TNS3: variants seen among roughly 807,000 people sequenced by gnomAD.
The protein encoded by TNS3 is tensin-3.
A neutral mutation model predicts 140.9 loss-of-function variants in TNS3; 45 were observed. That is an observed-to-expected ratio of 0.32 (90% CI 0.25 to 0.41). The LOEUF (loss-of-function observed/expected upper bound fraction) is 0.41. Among genes scored for constraint, TNS3 ranks in the 10% least tolerant of loss-of-function variants. The pLI is 1.00. For synonymous variants in TNS3, 815 were observed against 788.4 expected (o/e 1.03, Z -0.56); for missense variants, 1,716 against 1,906.7 (o/e 0.90, Z 1.86).
At chr7:47,543,029 G>T (rs1376427217) in intron 1 of TNS3, among the ~76,000 whole-genome samples, 2 of 151,998 alleles carry the variant, frequency 1.3e-5, no homozygotes, top group Admixed American at 1.3e-4. Context: ...CTCATCTGCA[G>T]AAATTGAGCC....
intron 9 of TNS3, 90 bp from the exon 10 acceptor site, chr7:47,424,274 AAGCGACC>A: frequency 7.7e-7 from 1 of 1,293,372 alleles, no homozygotes; most frequent in Non-Finnish European, 1.1e-6. Flanking sequence ...TGGCTGTTCA[AAGCGACC>A]AGCTCCCACA....
chr7:47,550,438 G>A (rs935956512), intron 1 of TNS3, among the ~76,000 whole-genome samples: 5 of 152,220 alleles, frequency 3.3e-5, no homozygotes, highest in Admixed American at 2.6e-4. Context: ...ACCTTGGCTT[G>A]CTGTCCCTCT....
intron 4 of TNS3, among the ~76,000 whole-genome samples, chr7:47,448,441 G>A (rs1795855720): frequency 1.3e-5 from 2 of 150,892 alleles, no homozygotes; most frequent in South Asian, 2.1e-4. Flanking sequence ...AGACAAGCTT[G>A]TAATCAATGA....
chr7:47,535,561 C>A (rs529311162), intron 1 of TNS3, among the ~76,000 whole-genome samples: 19 of 152,354 alleles, frequency 1.2e-4, no homozygotes, highest in African/African-American at 4.6e-4. Flanking sequence ...GGCAGCAATG[C>A]TGAAGCATTT....
chr7:47,530,825 A>AG, intron 1 of TNS3, among the ~76,000 whole-genome samples: 1 of 96,606 alleles, frequency 1.0e-5, no homozygotes, highest in Admixed American at 1.1e-4. Flanking sequence ...CTCCATCTCA[A>AG]AAAAAAAAAA....
At position 47,450,110 on chromosome 7, in the gene TNS3, G is replaced by A. The variant is rs187091362; in HGVS notation, c.-75-8055C>T. Among the ~76,000 whole-genome samples, 13 of 152,276 alleles carry A rather than the reference G, an allele frequency of 8.5e-5. No individual in the cohort carries two copies. The East Asian group carries it at 1.2e-3, about 14-fold the overall frequency. The stretch of plus-strand genomic sequence containing the variant: ...CTGTAGAATGAAGAAAGGAAGAAAC[G>A]AACCACTAATCCCAAAGTGGCTGTG... On this transcript the variant is annotated intron_variant, in intron 4 of 30. Transcript: ENST00000311160.
chr7:47,491,801 C>CT (rs1273901480), intron 3 of TNS3, among the ~76,000 whole-genome samples: 4 of 152,150 alleles, frequency 2.6e-5, no homozygotes, highest in African/African-American at 9.7e-5. Context: ...GACCATAGGC[C>CT]TGAGTGGGAC....
chr7:47,297,503 G>A (rs939334864), intron 23 of TNS3, among the ~76,000 whole-genome samples: 1 of 152,276 alleles, frequency 6.6e-6, no homozygotes, highest in Non-Finnish European at 1.5e-5. Context: ...GCCGGGCACT[G>A]TCCTGTGGGC....
chr7:47,578,598 CG>C (rs757529796), intron 1 of TNS3, among the ~76,000 whole-genome samples: 35 of 152,144 alleles, frequency 2.3e-4, no homozygotes, highest in Middle Eastern at 3.4e-3. Flanking sequence ...TAGAGGGCCA[CG>C]GTGCTCCTGG....
At position 47,368,440 on chromosome 7, in the gene TNS3, CGCT is replaced by C; in HGVS notation, c.2203_2205del (p.Ser735del). 1 of 1,554,312 alleles carries C rather than the reference CGCT, an allele frequency of 6.4e-7. No homozygotes were observed. ...CTGCTTGCCCGGAGCCCACCTCCCA[CGCT>C]GTCTGGAGACACAGAGCCATTGGCC... is the stretch of plus-strand genomic sequence containing the variant. On this transcript the variant is annotated inframe_deletion, in exon 17 of 31. Transcript: ENST00000311160.
intron 8 of TNS3, among the ~76,000 whole-genome samples, chr7:47,431,523 T>C (rs895222436): frequency 6.6e-6 from 1 of 151,726 alleles, no homozygotes; most frequent in African/African-American, 2.4e-5. Flanking sequence ...AACCTGGGAG[T>C]TGGAGGTTGC....
chr7:47,360,424 G>A (rs1790247686), intron 17 of TNS3, among the ~76,000 whole-genome samples: 1 of 152,170 alleles, frequency 6.6e-6, no homozygotes, highest in South Asian at 2.1e-4. Context: ...TTTGCCAGTG[G>A]TAGCAAACAA....
At chr7:47,420,445 G>T (rs1409861165) in intron 10 of TNS3, among the ~76,000 whole-genome samples, 1 of 152,174 alleles carries the variant, frequency 6.6e-6, no homozygotes, top group East Asian at 1.9e-4. Flanking sequence ...AGAAAAAATG[G>T]CAGAGTATGA....
chr7:47,332,785 G>C (rs929851256), intron 20 of TNS3, among the ~76,000 whole-genome samples: 15 of 152,212 alleles, frequency 9.9e-5, no homozygotes, highest in South Asian at 4.2e-4. Context: ...GCTTTCAGAG[G>C]TTATGCAAAC....
At chr7:47,453,660 T>A (rs931619190) in intron 4 of TNS3, among the ~76,000 whole-genome samples, 53 of 151,878 alleles carry the variant, frequency 3.5e-4, no homozygotes, top group Non-Finnish European at 4.6e-4. Flanking sequence ...AAGACAAGAG[T>A]GGCCAGGCCA....
chr7:47,346,167 G>A lies in TNS3; in HGVS notation c.2451+20C>T. On this transcript the variant is annotated intron_variant, in intron 18 of 30. Transcript: ENST00000311160. Reference sequence around the variant, plus strand: ...GGAGTGGAATGGGCCCAGAAACTGGGACCTGGCTGTGGCACATACCTCTTT... The same window carrying A: ...GGAGTGGAATGGGCCCAGAAACTGGAACCTGGCTGTGGCACATACCTCTTT... 1 of 1,610,778 alleles carries A rather than the reference G, an allele frequency of 6.2e-7. No homozygotes were observed. The highest frequency in any genetic ancestry group is 8.5e-7 in the Non-Finnish European group (1 of 1,177,368).
At chr7:47,532,980 A>G (rs185171627) in intron 1 of TNS3, among the ~76,000 whole-genome samples, 5 of 151,190 alleles carry the variant, frequency 3.3e-5, no homozygotes, top group Non-Finnish European at 5.9e-5. Flanking sequence ...CAGAACAAAC[A>G]ATAGGTAGGA....
At chr7:47,500,366 G>C (rs1415288220) in intron 3 of TNS3, among the ~76,000 whole-genome samples, 1 of 152,266 alleles carries the variant, frequency 6.6e-6, no homozygotes, top group Non-Finnish European at 1.5e-5. Flanking sequence ...AGACGGCAGA[G>C]AGAGGCAGAG....
chr7:47,484,562 G>C (rs1366327676), intron 3 of TNS3, among the ~76,000 whole-genome samples: 1 of 152,202 alleles, frequency 6.6e-6, no homozygotes, highest in African/African-American at 2.4e-5. Context: ...CTGTGCGACG[G>C]TGCTATCAGC....
Sources: allele counts gnomAD v4.1 joint callset (sites outside exome capture counted in the v4.1 genomes callset), GRCh38; gene constraint gnomAD v4.1.1; transcripts MANE v1.5; gene names NCBI Gene and HGNC (gene_info 2026-07-23, HGNC 2026-07-21).